TRERF1: variants seen among roughly 807,000 people sequenced by gnomAD.
The protein encoded by TRERF1 is transcriptional-regulating factor 1.
Under a neutral mutation model 122.9 loss-of-function variants are expected in TRERF1, and 27 were observed. The observed-to-expected ratio is 0.22, with a 90% CI of 0.16 to 0.30. TRERF1 has a LOEUF of 0.30. Among genes scored for constraint, TRERF1 ranks in the 10% least tolerant of loss-of-function variants. The pLI is 1.00. For synonymous variants in TRERF1, 636 were observed against 641.7 expected, an observed-to-expected ratio of 0.99 and a Z score of 0.13; for missense variants, 1,248 against 1,560.3, an observed-to-expected ratio of 0.80 and a Z score of 3.37.
At position 42,228,224 on chromosome 6, in the gene TRERF1, A is replaced by G. The variant is rs1390320334; in HGVS notation, c.*121T>C. The G allele has an allele frequency of 9.3e-6, 8 of 860,680 alleles. No homozygotes were observed. Among genetic ancestry groups the G allele is most frequent in the Non-Finnish European group, 1.3e-5 (8 of 610,514 alleles). The allele number at this position is 860,680 out of a possible 1,614,324, so 53.3% of individuals were successfully genotyped here. On this transcript the variant is annotated 3_prime_UTR_variant, in exon 18 of 18. Coordinates refer to ENST00000372922, the Ensembl canonical transcript of TRERF1. The surrounding 1 kb of genome is among the most constrained non-coding windows in gnomAD (Gnocchi z 4.2). Reference sequence around the variant, plus strand: ...GATTTTTTTTTCTAAACCTGAATAAAATGACCACTTTTAAAACAGGTAGTT... The same window carrying G: ...GATTTTTTTTTCTAAACCTGAATAAGATGACCACTTTTAAAACAGGTAGTT...
intron 2 of TRERF1, among the ~76,000 whole-genome samples, chr6:42,366,334 A>T (rs181328413): frequency 1.3e-5 from 2 of 152,378 alleles, no homozygotes; most frequent in East Asian, 3.9e-4. Context: ...TCTGATGCTC[A>T]GGTGATATGA....
At chr6:42,333,403 A>G (rs550922234) in intron 3 of TRERF1, among the ~76,000 whole-genome samples, 3 of 152,314 alleles carry the variant, frequency 2.0e-5, no homozygotes, top group Admixed American at 2.0e-4. Flanking sequence ...CGGACATCCC[A>G]GGGGATGTTT....
At chr6:42,229,650 G>T (rs1449145728) in intron 17 of TRERF1, among the ~76,000 whole-genome samples, 1 of 149,288 alleles carries the variant, frequency 6.7e-6, no homozygotes, top group African/African-American at 2.6e-5. Context: ...TTCACTTAAG[G>T]CCCCTGCTTT....
chr6:42,265,707 C>T, intron 6 of TRERF1, 44 bp downstream of exon 6: 1 of 1,596,314 alleles, frequency 6.3e-7, no homozygotes, highest in South Asian at 1.1e-5. Context: ...CCCAGAAAAT[C>T]CTCCCCGTCT....
chr6:42,365,269 T>G (rs867904172), intron 2 of TRERF1, among the ~76,000 whole-genome samples: 3 of 152,084 alleles, frequency 2.0e-5, no homozygotes, highest in Non-Finnish European at 4.4e-5. Context: ...CTGGCCAGTA[T>G]CCCAGAGGGC....
chr6:42,349,758 G>T (rs906551513), intron 3 of TRERF1, among the ~76,000 whole-genome samples: 1 of 152,134 alleles, frequency 6.6e-6, no homozygotes, highest in Non-Finnish European at 1.5e-5. Flanking sequence ...CTCTGCTTCT[G>T]CCTGTTTTCT....
intron 4 of TRERF1, among the ~76,000 whole-genome samples, chr6:42,283,824 C>T (rs929716596): frequency 2.0e-5 from 3 of 151,970 alleles, no homozygotes; most frequent in Non-Finnish European, 2.9e-5. Flanking sequence ...CCATGTTGGT[C>T]AGGCTGGTCT....
At chr6:42,231,554 C>T (rs1005836750) in intron 17 of TRERF1, among the ~76,000 whole-genome samples, 1 of 152,170 alleles carries the variant, frequency 6.6e-6, no homozygotes, top group Non-Finnish European at 1.5e-5. Flanking sequence ...ACCACTTGGG[C>T]AGCATCTCTC....
intron 16 of TRERF1, among the ~76,000 whole-genome samples, chr6:42,233,389 C>T (rs1162973104): frequency 1.3e-5 from 2 of 151,406 alleles, no homozygotes; most frequent in African/African-American, 4.9e-5. Context: ...AGGTTCACAC[C>T]ATTCTCCTGC....
Position 42,269,514 on chromosome 6 carries a change from A to C in TRERF1, c.77T>G (p.Leu26Arg), listed in dbSNP as rs1481977992. 1 of 1,614,124 alleles carries C rather than the reference A, an allele frequency of 6.2e-7. No homozygotes were observed. Among genetic ancestry groups the C allele is most frequent in the African/African-American group, 1.3e-5 (1 of 74,940 alleles). ...GTGGTTCAGCCCGCTGTGGACGCCA[A>C]GTGGTGGCTGTTGGTAGAAAAGGTT... is the stretch of plus-strand genomic sequence containing the variant. The change falls in exon 5 of 18, where the codon CTT becomes CGT. Residue 26 changes from leucine (L) to arginine (R), a missense_variant. Around this residue, in one of 5 missense-constraint regions of TRERF1, gnomAD observed 946 missense variants for 1,073.0 expected, o/e 0.88. Transcript: ENST00000372922. This position sits in a 1 kb window ranked among gnomAD's most constrained non-coding sequence, Gnocchi z 4.9.
chr6:42,289,599 T>C (rs1007398169), intron 4 of TRERF1, among the ~76,000 whole-genome samples: 1 of 152,204 alleles, frequency 6.6e-6, no homozygotes, highest in African/African-American at 2.4e-5. Context: ...ATACTGATCA[T>C]CTAATGAGAA....
rs544060863 is a variant in TRERF1 at position 42,398,312 on chromosome 6, C to A, written c.-453-35233G>T. 2.0e-5 allele frequency among the ~76,000 whole-genome samples: 3 copies of A among 152,282 alleles called. No homozygotes were observed. The East Asian group carries it at 5.8e-4, about 29-fold the overall frequency. On this transcript the variant is annotated intron_variant, in intron 2 of 17. Transcript: ENST00000372922. ...TGCAAAACCATTATAGGGCATGTAC[C>A]ATTTAAACCCAGGACAGAATCACCT...
chr6:42,431,835 A>G (rs183225346), intron 2 of TRERF1, among the ~76,000 whole-genome samples: 48 of 152,248 alleles, frequency 3.2e-4, no homozygotes, highest in African/African-American at 1.1e-3. Flanking sequence ...ACCTTCTGTC[A>G]ATGGAAGCTT....
intron 2 of TRERF1, among the ~76,000 whole-genome samples, chr6:42,376,536 C>CTTTTTTT (rs781389630): frequency 8.3e-5 from 8 of 96,304 alleles, no homozygotes; most frequent in Admixed American, 1.2e-4. Context: ...TCGTCTAATT[C>CTTTTTTT]TTTTTTTTTT....
Position 42,263,501 on chromosome 6 carries a change from G to C in TRERF1, c.1703C>G (p.Pro568Arg), listed in dbSNP as rs755069228. The stretch of plus-strand genomic sequence containing the variant: ...TGCCTCGGGAGGGAGCTGTGGTGGC[G>C]GCGGAGGCGGAGGCGGAGGCGGCAG... Residue 568 changes from proline to arginine, a missense_variant, in exon 8 of 18, where the codon CCG becomes CGG. Coordinates refer to ENST00000372922, the Ensembl canonical transcript of TRERF1. This position sits in a 1 kb window ranked among gnomAD's most constrained non-coding sequence, Gnocchi z 5.6. The C allele has an allele frequency of 8.3e-6, 13 of 1,559,072 alleles. No homozygotes were observed. In the Admixed American group the frequency reaches 2.0e-4, roughly 24 times the overall value.
intron 4 of TRERF1, among the ~76,000 whole-genome samples, chr6:42,288,253 C>T (rs1270668648): frequency 6.6e-6 from 1 of 151,898 alleles, no homozygotes; most frequent in African/African-American, 2.4e-5. Flanking sequence ...TATAATTTTA[C>T]ACCTGTCATG....
intron 1 of TRERF1, among the ~76,000 whole-genome samples, 164 bp from the exon 2 acceptor site, chr6:42,451,425 C>T (rs1582325027): frequency 1.3e-5 from 2 of 152,094 alleles, no homozygotes; most frequent in South Asian, 4.2e-4. Context: ...CTCGTCCCCC[C>T]GACAAGAGTG....
intron 3 of TRERF1, among the ~76,000 whole-genome samples, chr6:42,344,343 G>C (rs1767867750): frequency 6.6e-6 from 1 of 152,142 alleles, no homozygotes; most frequent in Non-Finnish European, 1.5e-5. Context: ...GACCAGCACT[G>C]CTCTATGCAT....
At chr6:42,431,194 GA>G (rs1784449575) in intron 2 of TRERF1, among the ~76,000 whole-genome samples, 1 of 151,850 alleles carries the variant, frequency 6.6e-6, no homozygotes, top group Admixed American at 6.6e-5. Flanking sequence ...ACTAAAAATG[GA>G]AAAAATTTAT....
Sources: gnomAD v4.1 joint callset for allele counts (sites outside exome capture counted in the v4.1 genomes callset) on GRCh38, gnomAD v4.1.1 for gene constraint, gnomAD v4.1.1 regional missense constraint, Gnocchi (gnomAD v3.1) non-coding constraint, MANE v1.5 for transcripts, NCBI Gene and HGNC (gene_info 2026-07-23, HGNC 2026-07-21) for gene names.